ADGRD1: variants seen among roughly 807,000 people sequenced by gnomAD.
The protein encoded by ADGRD1 is G-protein coupled receptor 133.
A neutral mutation model predicts 113.4 loss-of-function variants in ADGRD1; 77 were observed. That is an observed-to-expected ratio of 0.68 (90% confidence interval 0.57 to 0.82). The LOEUF is 0.82. Among genes scored for constraint, ADGRD1 ranks in the 40% least tolerant of loss-of-function variants. The probability of loss-of-function intolerance (pLI) is 0.00; values close to 1 mark genes in which losing one functional copy is unlikely to be tolerated. For missense variants in ADGRD1, 1,036 were observed against 1,139.1 expected (o/e 0.91, Z 1.30); for synonymous variants, 474 against 475.0 (o/e 1.00, Z 0.03).
chr12:131,114,131 G>A (rs1294930232), intron 18 of ADGRD1, among the ~76,000 whole-genome samples: 1 of 152,188 alleles, frequency 6.6e-6, no homozygotes, highest in Non-Finnish European at 1.5e-5. Context: ...GATAGGATGG[G>A]GTTGGGGTGT....
rs58653209 is a variant in ADGRD1 at position 130,984,932 on chromosome 12, T to C, written c.491-2163T>C. Among the ~76,000 whole-genome samples, 2,088 of 151,244 alleles carry C rather than the reference T, an allele frequency of 0.014. 47 individuals carry two copies. Among genetic ancestry groups the C allele is most frequent in the African/African-American group, 0.048 (1,979 of 41,132 alleles). ...CTCACTCTCTCTCTCCTCTCTTCTCTCTTTCTCTCTTTCTTTCTTTTTCTT... is the reference window on the plus strand; with the variant it reads ...CTCACTCTCTCTCTCCTCTCTTCTCCCTTTCTCTCTTTCTTTCTTTTTCTT... On this transcript the variant is annotated intron_variant, in intron 5 of 24. Coordinates refer to ENST00000261654, the MANE Select transcript of ADGRD1 (RefSeq NM_198827.5). This position sits in a 1 kb window ranked among gnomAD's most constrained non-coding sequence, Gnocchi z 4.1.
chr12:131,042,213 A>G (rs1472410331), intron 13 of ADGRD1, among the ~76,000 whole-genome samples: 1 of 152,196 alleles, frequency 6.6e-6, no homozygotes, highest in Non-Finnish European at 1.5e-5. Flanking sequence ...GTGATTCAAA[A>G]CAGCTTAAGT....
chr12:131,065,220 G>C (rs1291014172), intron 13 of ADGRD1, among the ~76,000 whole-genome samples: 1 of 152,202 alleles, frequency 6.6e-6, no homozygotes, highest in Admixed American at 6.5e-5. Context: ...TACCAGGTGA[G>C]TGGCTCAGTA....
chr12:131,090,058 C>T (rs76156855), intron 15 of ADGRD1, among the ~76,000 whole-genome samples: 1,660 of 152,214 alleles, frequency 0.011, 17 homozygotes, highest in East Asian at 0.031. Context: ...CCCAGTCCAG[C>T]GAGTAAAAAA....
At chr12:130,968,978 G>A (rs553542394) in intron 3 of ADGRD1, 140 of 1,526,968 alleles carry the variant, frequency 9.2e-5, no homozygotes, top group African/African-American at 2.1e-4. Flanking sequence ...TTCACCCAGC[G>A]TCCCGAACCC....
Position 131,022,077 on chromosome 12 carries a change from A to T in ADGRD1, c.1473+7737A>T, listed in dbSNP as rs970406176. Among the ~76,000 whole-genome samples, 1 of 151,770 alleles carries T rather than the reference A, an allele frequency of 6.6e-6. No individual in the cohort carries two copies. The highest frequency in any genetic ancestry group is 2.4e-5 in the African/African-American group (1 of 41,300). On this transcript the variant is annotated intron_variant, in intron 13 of 24. Coordinates refer to ENST00000261654, the MANE Select transcript of ADGRD1 (RefSeq NM_198827.5). The surrounding 1 kb of genome is among the most constrained non-coding windows in gnomAD (Gnocchi z 4.6). ...CTAATGACCTCATTTTATCTTAATCACCCCTTCAAAGACCCTGACTCCAAA... is the reference window on the plus strand; with the variant it reads ...CTAATGACCTCATTTTATCTTAATCTCCCCTTCAAAGACCCTGACTCCAAA...
intron 24 of ADGRD1, 71 bp from the exon 25 acceptor site, chr12:131,139,097 C>A: frequency 8.4e-7 from 1 of 1,192,016 alleles, no homozygotes; most frequent in South Asian, 1.3e-5. Context: ...CAATGCTCCC[C>A]GCACTCACTG....
chr12:131,098,264 G>C (rs146336866), intron 15 of ADGRD1, among the ~76,000 whole-genome samples: 2 of 84,652 alleles, frequency 2.4e-5, no homozygotes, highest in Non-Finnish European at 3.0e-5. Context: ...AATCCCGAGC[G>C]GGGAGGGTCT....
At position 131,139,534 on chromosome 12, in the gene ADGRD1, CCTGA is replaced by C; in HGVS notation, c.*275_*278del. The C allele has an allele frequency of 2.4e-6, 1 of 424,588 alleles. No individual in the cohort carries two copies. 26.3% of individuals were successfully genotyped at this position (424,588 alleles called of 1,614,324 possible). A position where few individuals can be genotyped will look rare whatever the true frequency, so the allele number is the denominator to read the frequency against. ...TCGGGGGATTCCCAGGACACAGTGGCCTGACTGTGATGGTGCCCTTGAGCCTCCC... is the reference window on the plus strand; with the variant it reads ...TCGGGGGATTCCCAGGACACAGTGGCCTGTGATGGTGCCCTTGAGCCTCCC... On this transcript the variant is annotated 3_prime_UTR_variant, in exon 25 of 25. Coordinates refer to ENST00000261654, the MANE Select transcript of ADGRD1 (RefSeq NM_198827.5).
chr12:130,963,406 C>T (rs1278490035), intron 2 of ADGRD1, among the ~76,000 whole-genome samples: 1 of 151,584 alleles, frequency 6.6e-6, no homozygotes, highest in Non-Finnish European at 1.5e-5. Context: ...CTTCTTACAT[C>T]TCGCACTCAG....
chr12:131,029,857 T>TAA (rs1880450514), intron 13 of ADGRD1, among the ~76,000 whole-genome samples: 2 of 24,476 alleles, frequency 8.2e-5, no homozygotes, highest in Admixed American at 5.1e-4. Flanking sequence ...GACCCCTCGT[T>TAA]CGGTGACATT....
intron 14 of ADGRD1, among the ~76,000 whole-genome samples, chr12:131,083,940 G>T (rs1233982026): frequency 6.6e-6 from 1 of 152,194 alleles, no homozygotes; most frequent in African/African-American, 2.4e-5. Context: ...GTGTTCGTGG[G>T]AAGTGTGTGG....
At chr12:131,095,936 GA>G (rs1887248751) in intron 15 of ADGRD1, among the ~76,000 whole-genome samples, 1 of 152,174 alleles carries the variant, frequency 6.6e-6, no homozygotes, top group Non-Finnish European at 1.5e-5. Context: ...ACGCATGTGG[GA>G]AAATGCAAGA....
In ADGRD1 at chr12:130,971,675, T is replaced by C; in HGVS notation, c.310+95T>C. 1 of 1,319,640 alleles carries C rather than the reference T, an allele frequency of 7.6e-7. No individual in the cohort carries two copies. The highest frequency in any genetic ancestry group is 2.5e-5 in the East Asian group (1 of 40,464). 81.7% of individuals were successfully genotyped at this position (1,319,640 alleles called of 1,614,324 possible). ...ACTGGAAGATGTGAACCTGAGGTTC[T>C]CATCAATTGCAGAATGCGTGAGAAT... On this transcript the variant is annotated intron_variant, in intron 4 of 24. Coordinates refer to ENST00000261654, the MANE Select transcript of ADGRD1 (RefSeq NM_198827.5). This position sits in a 1 kb window ranked among gnomAD's most constrained non-coding sequence, Gnocchi z 4.2.
intron 2 of ADGRD1, among the ~76,000 whole-genome samples, chr12:130,964,252 G>T (rs1017707680): frequency 1.3e-5 from 2 of 151,326 alleles, no homozygotes; most frequent in Non-Finnish European, 2.9e-5. Context: ...ATTGTGTTTT[G>T]TTTTATTTTA....
chr12:131,136,924 A>C (rs2136113568), intron 22 of ADGRD1, 49 bp from the exon 23 acceptor site: 1 of 1,473,246 alleles, frequency 6.8e-7, no homozygotes, highest in East Asian at 2.3e-5. Context: ...AGTGTTCCTA[A>C]CTACGTGCAA....
chr12:131,116,268 C>T (rs1225197728), intron 18 of ADGRD1, among the ~76,000 whole-genome samples: 1 of 152,176 alleles, frequency 6.6e-6, no homozygotes, highest in Admixed American at 6.5e-5. Context: ...CTCAAAGTGA[C>T]AGGATGACAA....
chr12:130,954,695 C>T lies in ADGRD1; in HGVS notation c.103+35C>T, dbSNP rs1281230413. 1 of 1,591,976 alleles carries T rather than the reference C, an allele frequency of 6.3e-7. No individual in the cohort carries two copies. Among genetic ancestry groups the T allele is most frequent in the East Asian group, 2.2e-5 (1 of 44,790 alleles). On this transcript the variant is annotated intron_variant, in intron 2 of 24. Transcript: ENST00000261654. This position sits in a 1 kb window ranked among gnomAD's most constrained non-coding sequence, Gnocchi z 4.7. ...TTTCCTTCTCACTCTGAGCACCGCT[C>T]TCCCCCTGCCTAGTGCAGGTATCTC... is the stretch of plus-strand genomic sequence containing the variant.
At chr12:130,983,821 AAAGGGCTGCCCTGTTCCTTCCAGC>A (rs1873305491) in intron 5 of ADGRD1, among the ~76,000 whole-genome samples, 1 of 152,188 alleles carries the variant, frequency 6.6e-6, no homozygotes, top group African/African-American at 2.4e-5. Context: ...GTGTCCTTTA[AAAGGGCTGCCCTGTTCCTTCCAGC>A]AGCAAGCTCA....
Sources: allele counts gnomAD v4.1 joint callset (sites outside exome capture counted in the v4.1 genomes callset), GRCh38; gene constraint gnomAD v4.1.1; non-coding constraint Gnocchi (gnomAD v3.1); transcripts MANE v1.5; gene names NCBI Gene and HGNC (gene_info 2026-07-23, HGNC 2026-07-21).